ZNF510: variants seen among roughly 807,000 people sequenced by gnomAD.
ZNF510 encodes the protein zinc finger protein 510.
A neutral mutation model predicts 18.1 loss-of-function variants in ZNF510; 15 were observed. The ratio of observed to expected loss-of-function variants is 0.83; its 90% CI spans 0.55 to 1.28. The LOEUF (loss-of-function observed/expected upper bound fraction) is 1.28. ZNF510 is among the 50% of genes most tolerant of loss of function. ZNF510 has a pLI of 0.00. For synonymous variants in ZNF510, 261 were observed against 266.4 expected, an observed-to-expected ratio of 0.98 and a Z score of 0.20; for missense variants, 724 against 791.8, an observed-to-expected ratio of 0.91 and a Z score of 1.03.
At chr9:96,777,424 CCTT>C (rs1302181861) in intron 1 of ZNF510, among the ~76,000 whole-genome samples, 2 of 152,100 alleles carry the variant, frequency 1.3e-5, no homozygotes, top group East Asian at 3.9e-4. Context: ...TTTCACTCCT[CCTT>C]CTTCATTTTT....
At chr9:96,761,657 T>A (rs1849350647) in intron 5 of ZNF510, among the ~76,000 whole-genome samples, 1 of 135,962 alleles carries the variant, frequency 7.4e-6, no homozygotes, top group African/African-American at 3.8e-5. Flanking sequence ...ATTTTCTTCA[T>A]AGTTTTATCA....
rs1564433192 is a variant in ZNF510, at chr9:96,759,247, T to G, written c.1583A>C (p.Lys528Thr). Residue 528 changes from lysine (K) to threonine (T), a missense_variant, in exon 6 of 6, where the codon AAG becomes ACG. Lys to Thr is a moderately conservative substitution (Grantham distance 78). Coordinates refer to ENST00000223428, the MANE Select transcript of ZNF510 (RefSeq NM_014930.3). ...CNQCGKTFGQ[K>T]SNLRIHQRTH... The stretch of plus-strand genomic sequence containing the variant: ...TCTCTGATGTATTCTGAGGTTTGAC[T>G]TCTGGCCAAATGTTTTTCCACATTG... 1 of 1,614,108 alleles carries G rather than the reference T, an allele frequency of 6.2e-7. No homozygotes were observed. The highest frequency in any genetic ancestry group is 8.5e-7 in the Non-Finnish European group (1 of 1,180,004).
At chr9:96,762,934 A>C (rs982804937) in intron 5 of ZNF510, 184 bp downstream of exon 5, 1 of 522,490 alleles carries the variant, frequency 1.9e-6, no homozygotes, top group Non-Finnish European at 3.5e-6. Context: ...CTTTTGAATA[A>C]TATATTAACA....
intron 3 of ZNF510, among the ~76,000 whole-genome samples, 160 bp downstream of exon 3, chr9:96,774,628 G>A (rs913411291): frequency 1.3e-5 from 2 of 152,162 alleles, no homozygotes; most frequent in Admixed American, 6.5e-5. Flanking sequence ...AACATCAGGC[G>A]ACCTCCATCT....
rs1849163293 is a variant in ZNF510 at position 96,755,034 on chromosome 9, A to G, written c.*3744T>C. ...GAGGGAGCATACATGACTAGAGCACAGACCATGGTCTCCAGTTGGTGATGT... is the reference window on the plus strand; with the variant it reads ...GAGGGAGCATACATGACTAGAGCACGGACCATGGTCTCCAGTTGGTGATGT... On this transcript the variant is annotated 3_prime_UTR_variant, in exon 6 of 6. Coordinates refer to ENST00000223428, the MANE Select transcript of ZNF510 (RefSeq NM_014930.3). Among the ~76,000 whole-genome samples, 1 of 152,218 alleles carries G rather than the reference A, an allele frequency of 6.6e-6. No homozygotes were observed. The highest frequency in any genetic ancestry group is 6.5e-5 in the Admixed American group (1 of 15,290).
At chr9:96,772,756 C>T (rs1428268180) in intron 3 of ZNF510, among the ~76,000 whole-genome samples, 1 of 152,158 alleles carries the variant, frequency 6.6e-6, no homozygotes, top group Non-Finnish European at 1.5e-5. Context: ...GAATCTGGTA[C>T]AGCCAGAATG....
chr9:96,763,139 A>G lies in ZNF510; in HGVS notation c.331T>C (p.Phe111Leu). The change falls in exon 5 of 6, where the codon TTC becomes CTC. Residue 111 changes from phenylalanine to leucine, a missense_variant. Coordinates refer to ENST00000223428, the MANE Select transcript of ZNF510 (RefSeq NM_014930.3). ...TCACTTGGGTGACTCTGGTTTGAGA[A>G]TTCCTCCTCTGAGAACCAAGGCTCC... ...GEEPWFSEEE[F>L]SNQSHPKDYR... The G allele has an allele frequency of 6.2e-7, 1 of 1,614,076 alleles. No individual in the cohort carries two copies. The highest frequency in any genetic ancestry group is 8.5e-7 in the Non-Finnish European group (1 of 1,179,964).
At chr9:96,763,236 G>T in intron 4 of ZNF510, 23 bp from the exon 5 acceptor site, 2 of 1,607,790 alleles carry the variant, frequency 1.2e-6, no homozygotes, top group South Asian at 2.2e-5. Flanking sequence ...CACAATCGAG[G>T]ACTTAGACCA....
intron 3 of ZNF510, among the ~76,000 whole-genome samples, chr9:96,772,625 A>G (rs1849605666): frequency 6.6e-6 from 1 of 152,226 alleles, no homozygotes; most frequent in African/African-American, 2.4e-5. Flanking sequence ...AACACAAACA[A>G]TGGTGCCCAA....
rs1290275181 is a variant in ZNF510, at chr9:96,754,916, A to G, written c.*3862T>C. 1.3e-5 allele frequency among the ~76,000 whole-genome samples: 2 copies of G among 152,204 alleles called. No individual in the cohort carries two copies. The highest frequency in any genetic ancestry group is 1.5e-5 in the Non-Finnish European group (1 of 68,038). On this transcript the variant is annotated 3_prime_UTR_variant, in exon 6 of 6. Coordinates refer to ENST00000223428, the MANE Select transcript of ZNF510 (RefSeq NM_014930.3). ...TTGAAGGCCCTTAGTGGGTGGGCAG[A>G]CAGAAAATCAGCTCCTCCAGAGTCT...
At chr9:96,772,235 C>T (rs572007555) in intron 3 of ZNF510, among the ~76,000 whole-genome samples, 2 of 152,236 alleles carry the variant, frequency 1.3e-5, no homozygotes, top group South Asian at 2.1e-4. Flanking sequence ...TGAACCTTGA[C>T]ACTCACCTTA....
intron 3 of ZNF510, among the ~76,000 whole-genome samples, chr9:96,766,802 A>G (rs553519553): frequency 1.3e-5 from 2 of 151,088 alleles, no homozygotes; most frequent in African/African-American, 4.9e-5. Context: ...TCTTTTTTTC[A>G]AACTATTAGG....
At chr9:96,775,053 G>T (rs557645595) in intron 2 of ZNF510, among the ~76,000 whole-genome samples, 1 of 144,594 alleles carries the variant, frequency 6.9e-6, no homozygotes, top group South Asian at 2.1e-4. Flanking sequence ...TGCTGTGTGT[G>T]TGTGTTTTTT....
Position 96,763,098 on chromosome 9 carries a change from A to G in ZNF510, c.352+20T>C, listed in dbSNP as rs2117963419. 3 of 1,606,116 alleles carry G rather than the reference A, an allele frequency of 1.9e-6. No homozygotes were observed. Among genetic ancestry groups the G allele is most frequent in the Middle Eastern group, 3.3e-4 (2 of 6,040 alleles). ...TAACCACTCCTGCAGAATTATGTCT[A>G]CTACTGCTCAGTAACTCACTTGGGT... On this transcript the variant is annotated intron_variant, in intron 5 of 5. Transcript: ENST00000223428.
intron 3 of ZNF510, among the ~76,000 whole-genome samples, chr9:96,771,885 G>C (rs916995819): frequency 6.6e-6 from 1 of 151,998 alleles, no homozygotes; most frequent in Admixed American, 6.5e-5. Context: ...AAATACCTAG[G>C]AATAAATATA....
At chr9:96,762,222 AAAAG>A (rs1009465784) in intron 5 of ZNF510, among the ~76,000 whole-genome samples, 9 of 147,146 alleles carry the variant, frequency 6.1e-5, no homozygotes, top group African/African-American at 1.1e-4. Context: ...AAAAAAAAAA[AAAAG>A]AGGCCAGGCA....
At chr9:96,768,937 T>C (rs1008349545) in intron 3 of ZNF510, among the ~76,000 whole-genome samples, 12 of 152,134 alleles carry the variant, frequency 7.9e-5, no homozygotes, top group African/African-American at 2.2e-4. Flanking sequence ...TAAAAACTTA[T>C]TATAAAGCAA....
chr9:96,765,439 T>TA (rs1390387286), intron 3 of ZNF510, among the ~76,000 whole-genome samples: 2 of 152,188 alleles, frequency 1.3e-5, no homozygotes, highest in Admixed American at 1.3e-4. Flanking sequence ...TCTGATACTG[T>TA]AAATAAGTGT....
intron 5 of ZNF510, among the ~76,000 whole-genome samples, chr9:96,761,318 G>A (rs907447278): frequency 1.3e-5 from 2 of 152,168 alleles, no homozygotes; most frequent in African/African-American, 4.8e-5. Context: ...CTGTGAAAAT[G>A]ACATTTAAGA....
Sources: allele counts gnomAD v4.1 joint callset (sites outside exome capture counted in the v4.1 genomes callset), GRCh38; gene constraint gnomAD v4.1.1; transcripts MANE v1.5; gene names NCBI Gene and HGNC (gene_info 2026-07-23, HGNC 2026-07-21).